AFG2A: variants seen among roughly 807,000 people sequenced by gnomAD.
AFG2A encodes the protein AAA ATPase AFG2A.
At chr4:123,155,942 T>G in the AFG2A span, among the ~76,000 whole-genome samples, 1 of 152,190 alleles carries the variant, frequency 6.6e-6, no homozygotes, top group African/African-American at 2.4e-5. Flanking sequence ...TCTAAAGAAA[T>G]GCCTAAAATT....
At chr4:123,314,141 TA>T in the AFG2A span, 33 of 1,322,894 alleles carry the variant, frequency 2.5e-5, no homozygotes, top group South Asian at 5.9e-5. Context: ...TTGAGAGTGT[TA>T]AAAAAAATTT....
the AFG2A span, among the ~76,000 whole-genome samples, chr4:122,973,602 G>C: frequency 6.6e-6 from 1 of 152,070 alleles, no homozygotes; most frequent in Non-Finnish European, 1.5e-5. Context: ...TTAGGGGCTA[G>C]TATGCATTGC....
At chr4:123,179,488 C>A in the AFG2A span, among the ~76,000 whole-genome samples, 1 of 152,148 alleles carries the variant, frequency 6.6e-6, no homozygotes, top group Non-Finnish European at 1.5e-5. Context: ...GCTGGCAATA[C>A]ACGTGTGCAC....
the AFG2A span, among the ~76,000 whole-genome samples, chr4:123,288,994 G>A: frequency 6.6e-6 from 1 of 152,100 alleles, no homozygotes; most frequent in Non-Finnish European, 1.5e-5. Flanking sequence ...TACTAACATT[G>A]AACCAGCATG....
At chr4:123,108,384 T>TA in the AFG2A span, among the ~76,000 whole-genome samples, 42 of 148,778 alleles carry the variant, frequency 2.8e-4, no homozygotes, top group South Asian at 4.7e-3. Flanking sequence ...AAAATGTACT[T>TA]AAAAAAAAAA....
the AFG2A span, among the ~76,000 whole-genome samples, chr4:122,999,408 C>A: frequency 6.6e-6 from 1 of 151,854 alleles, no homozygotes. Flanking sequence ...CATGGTAATA[C>A]CTAGGTTTTC....
At chr4:123,070,677 G>T in the AFG2A span, among the ~76,000 whole-genome samples, 3 of 152,122 alleles carry the variant, frequency 2.0e-5, no homozygotes, top group African/African-American at 7.2e-5. Flanking sequence ...TCACTTTGGG[G>T]GTTAGATTTC....
chr4:123,273,455 A>T, the AFG2A span, among the ~76,000 whole-genome samples: 5 of 152,134 alleles, frequency 3.3e-5, no homozygotes, highest in African/African-American at 1.2e-4. Flanking sequence ...ATTAATATAG[A>T]TATATTACAT....
the AFG2A span, among the ~76,000 whole-genome samples, chr4:123,025,069 C>T: frequency 6.6e-6 from 1 of 152,180 alleles, no homozygotes; most frequent in East Asian, 1.9e-4. Flanking sequence ...CCAGAGACAA[C>T]AGCAATTAAA....
the AFG2A span, among the ~76,000 whole-genome samples, chr4:122,967,692 A>G: frequency 2.0e-5 from 3 of 152,124 alleles, no homozygotes; most frequent in African/African-American, 4.8e-5. Context: ...TTAAAGAGGT[A>G]GGGTCTTGCA....
the AFG2A span, among the ~76,000 whole-genome samples, chr4:123,010,400 TA>T: frequency 7.6e-4 from 35 of 46,138 alleles, 1 homozygote; most frequent in South Asian, 0.013. Flanking sequence ...TGTTTTAATG[TA>T]TTTTTTTTTC....
the AFG2A span, among the ~76,000 whole-genome samples, chr4:123,082,540 G>A: frequency 8.1e-6 from 1 of 123,882 alleles, no homozygotes; most frequent in Admixed American, 8.6e-5. Flanking sequence ...TTTTTTTTTG[G>A]TCACTACCAC....
the AFG2A span, among the ~76,000 whole-genome samples, chr4:123,058,134 T>C: frequency 6.6e-6 from 1 of 152,200 alleles, no homozygotes. Context: ...GGTAGACTGC[T>C]ATATTAGTCC....
the AFG2A span, among the ~76,000 whole-genome samples, chr4:123,289,830 T>G: frequency 1.3e-5 from 2 of 152,210 alleles, no homozygotes; most frequent in Non-Finnish European, 2.9e-5. Flanking sequence ...ATGTCTTTTT[T>G]TGTGTGAAAA....
chr4:123,179,806 G>C, the AFG2A span, among the ~76,000 whole-genome samples: 3 of 152,246 alleles, frequency 2.0e-5, no homozygotes, highest in Non-Finnish European at 4.4e-5. Context: ...TTTATCATTG[G>C]ATATTCTCTT....
the AFG2A span, among the ~76,000 whole-genome samples, chr4:123,153,935 A>C: frequency 6.6e-6 from 1 of 152,208 alleles, no homozygotes; most frequent in Non-Finnish European, 1.5e-5. Context: ...TAAAGAAAAA[A>C]CTGTTAATCT....
the AFG2A span, among the ~76,000 whole-genome samples, chr4:122,941,200 T>C: frequency 6.6e-6 from 1 of 151,818 alleles, no homozygotes; most frequent in Non-Finnish European, 1.5e-5. Flanking sequence ...GGGGATGGCA[T>C]TGAATCTATA....
At chr4:123,103,835 A>G in the AFG2A span, among the ~76,000 whole-genome samples, 62 of 152,298 alleles carry the variant, frequency 4.1e-4, no homozygotes, top group Middle Eastern at 3.4e-3. Context: ...AATTATTGAT[A>G]TATGCAAAGA....
the AFG2A span, among the ~76,000 whole-genome samples, chr4:123,259,715 G>A: frequency 6.6e-6 from 1 of 151,926 alleles, no homozygotes; most frequent in African/African-American, 2.4e-5. Context: ...AATTATCCTG[G>A]TTACTTTTGG....
Sources: allele counts gnomAD v4.1 joint callset (sites outside exome capture counted in the v4.1 genomes callset), GRCh38; gene constraint gnomAD v4.1.1; transcripts MANE v1.5; gene names NCBI Gene and HGNC (gene_info 2026-07-23, HGNC 2026-07-21).